ANGPTL1: variants seen among roughly 807,000 people sequenced by gnomAD.
ANGPTL1 encodes the protein angiopoietin-related protein 1.
ANGPTL1 carries 36 observed loss-of-function variants against 46.7 expected under a neutral mutation model. The ratio of observed to expected loss-of-function variants is 0.77; its 90% CI spans 0.59 to 1.02. The LOEUF (loss-of-function observed/expected upper bound fraction) is 1.02. Ranked by LOEUF, ANGPTL1 falls within the 50% of genes least tolerant of loss-of-function variation. The probability of loss-of-function intolerance (pLI) is 0.00; values close to 1 mark genes in which losing one functional copy is unlikely to be tolerated. For missense variants in ANGPTL1, 571 were observed against 594.7 expected (o/e 0.96, Z 0.41); for synonymous variants, 221 against 204.3 (o/e 1.08, Z -0.69).
Position 178,849,981 on chromosome 1 carries a change from T to G in ANGPTL1, c.*1148A>C, listed in dbSNP as rs534759906. On this transcript the variant is annotated 3_prime_UTR_variant, in exon 6 of 6. Transcript: ENST00000234816. ...TGAATATGTATTCCTGAAAGGAAAT[T>G]GTTCCAGAAAGTCACTAGTAAAGTT... The G allele has an allele frequency of 6.5e-6, 1 of 152,788 alleles. No homozygotes were observed. The highest frequency in any genetic ancestry group is 1.9e-4 in the East Asian group (1 of 5,192). 9.5% of individuals were successfully genotyped at this position (152,788 alleles called of 1,614,324 possible). A position where few individuals can be genotyped will look rare whatever the true frequency, so the allele number is the denominator to read the frequency against.
chr1:178,860,783 T>A (rs1166666002), intron 3 of ANGPTL1, among the ~76,000 whole-genome samples: 1 of 152,194 alleles, frequency 6.6e-6, no homozygotes, highest in African/African-American at 2.4e-5. Context: ...AGAATGACCA[T>A]GTACCTCCAT....
Position 178,852,808 on chromosome 1 carries a change from A to G in ANGPTL1, c.1163T>C (p.Leu388Pro). Residue 388 changes from leucine to proline, a missense_variant, in exon 5 of 6, where the codon CTG becomes CCG. Coordinates refer to ENST00000234816, the MANE Select transcript of ANGPTL1 (RefSeq NM_004673.4). ...KVYAEYSSFR[L>P]EPESEFYRLR... ...TCTATAGAATTCACTTTCAGGTTCC[A>G]GACGAAAGCTGCTGTATTCTGCATA... 1 of 1,613,930 alleles carries G rather than the reference A, an allele frequency of 6.2e-7. No homozygotes were observed. The highest frequency in any genetic ancestry group is 8.5e-7 in the Non-Finnish European group (1 of 1,179,882).
chr1:178,853,868 C>CT (rs1448869666), intron 3 of ANGPTL1, 81 bp from the exon 4 acceptor site: 2 of 1,112,710 alleles, frequency 1.8e-6, no homozygotes, highest in Non-Finnish European at 2.5e-6. Context: ...AGATTTTTAC[C>CT]TTTGTGTCTT....
chr1:178,862,626 T>TGG (rs1658112409), intron 3 of ANGPTL1, among the ~76,000 whole-genome samples: 2 of 149,700 alleles, frequency 1.3e-5, no homozygotes, highest in African/African-American at 5.0e-5. Context: ...TATTTATTTA[T>TGG]TTATTTGGTT....
intron 3 of ANGPTL1, among the ~76,000 whole-genome samples, chr1:178,859,232 GT>G (rs1222272991): frequency 6.6e-6 from 1 of 151,706 alleles, no homozygotes; most frequent in East Asian, 1.9e-4. Flanking sequence ...TAGTTTTTTT[GT>G]TTTGTATTAA....
intron 3 of ANGPTL1, among the ~76,000 whole-genome samples, chr1:178,863,855 C>T (rs1327921255): frequency 6.6e-6 from 1 of 152,184 alleles, no homozygotes; most frequent in East Asian, 1.9e-4. Flanking sequence ...TATTCACTGA[C>T]AGAGAGATGA....
chr1:178,858,028 T>C (rs12757284), intron 3 of ANGPTL1, among the ~76,000 whole-genome samples: 36,294 of 152,150 alleles, frequency 0.24, 5,054 homozygotes, highest in Non-Finnish European at 0.32. Flanking sequence ...TGTTTTGCAG[T>C]GGGCTTTGTG....
intron 4 of ANGPTL1, chr1:178,853,230 T>C (rs12117953): frequency 0.055 from 53,759 of 984,006 alleles, 1,440 homozygotes; most frequent in Middle Eastern, 0.066. Context: ...AATTTATCCA[T>C]AGCTACTAAA....
At chr1:178,856,343 T>C (rs2102307393) in intron 3 of ANGPTL1, among the ~76,000 whole-genome samples, 1 of 137,896 alleles carries the variant, frequency 7.3e-6, no homozygotes. Flanking sequence ...TCCTCCCACC[T>C]CAGCCTCCCA....
chr1:178,869,080 A>G (rs1470414887), intron 2 of ANGPTL1, 34 bp downstream of exon 2: 1 of 152,058 alleles, frequency 6.6e-6, no homozygotes, highest in African/African-American at 2.4e-5. Context: ...CTAGGCCCCA[A>G]GAGAATGTTA....
chr1:178,856,420 T>TTTTTTTTTTTTG (rs1558152822), intron 3 of ANGPTL1, among the ~76,000 whole-genome samples: 10 of 120,574 alleles, frequency 8.3e-5, no homozygotes, highest in African/African-American at 3.5e-4. Context: ...TTTTTTTTTT[T>TTTTTTTTTTTTG]TTTTTTGAGA....
chr1:178,856,722 TGTAGCTTATTTAATAAA>T (rs1657613149), intron 3 of ANGPTL1, among the ~76,000 whole-genome samples: 1 of 152,118 alleles, frequency 6.6e-6, no homozygotes, highest in Non-Finnish European at 1.5e-5. Flanking sequence ...AACACATAAT[TGTAGCTTATTTAATAAA>T]GTAGCTTATT....
chr1:178,868,123 T>G (rs755205089), intron 2 of ANGPTL1, among the ~76,000 whole-genome samples: 4 of 152,018 alleles, frequency 2.6e-5, no homozygotes, highest in Non-Finnish European at 5.9e-5. Flanking sequence ...TTTTAGCTTT[T>G]TATGTTTTCA....
intron 3 of ANGPTL1, among the ~76,000 whole-genome samples, chr1:178,857,949 C>T (rs1050525314): frequency 6.6e-6 from 1 of 152,100 alleles, no homozygotes; most frequent in Non-Finnish European, 1.5e-5. Context: ...TTTTCTGAAT[C>T]CAGCTTTGAT....
intron 3 of ANGPTL1, among the ~76,000 whole-genome samples, chr1:178,856,202 GATATATATATATAT>G (rs55797277): frequency 3.6e-5 from 3 of 83,912 alleles, no homozygotes; most frequent in African/African-American, 1.9e-4. Context: ...GAGAGAGAGA[GATATATATATATAT>G]ATATATATAT....
intron 4 of ANGPTL1, 86 bp downstream of exon 4, chr1:178,853,508 C>A: frequency 9.1e-7 from 1 of 1,099,376 alleles, no homozygotes; most frequent in Non-Finnish European, 1.2e-6. Flanking sequence ...AACTGTGTGT[C>A]TTATTTATTG....
intron 3 of ANGPTL1, among the ~76,000 whole-genome samples, chr1:178,856,394 ATTTTTT>A (rs71108081): frequency 0.02 from 715 of 36,326 alleles, 4 homozygotes; most frequent in East Asian, 0.086. Flanking sequence ...TGCCTGGCTA[ATTTTTT>A]TTTTTTTTTT....
Position 178,870,341 on chromosome 1 carries a change from G to A in ANGPTL1, c.-137+400C>T, listed in dbSNP as rs576516483. ...TTCAGCACACACACTGTGGCTGCAG[G>A]AAGAGAAACTAATTGTGTTCACGAC... is the stretch of plus-strand genomic sequence containing the variant. On this transcript the variant is annotated intron_variant, in intron 1 of 5. Transcript: ENST00000234816. 4.6e-5 allele frequency among the ~76,000 whole-genome samples: 7 copies of A among 152,250 alleles called. No individual in the cohort carries two copies. The East Asian group carries it at 9.7e-4, about 21-fold the overall frequency.
intron 5 of ANGPTL1, among the ~76,000 whole-genome samples, chr1:178,851,554 G>A (rs1165697928): frequency 6.6e-6 from 1 of 151,946 alleles, no homozygotes; most frequent in East Asian, 1.9e-4. Flanking sequence ...TTTTTAAAAA[G>A]GGGGATTTAA....
Sources: allele counts gnomAD v4.1 joint callset (sites outside exome capture counted in the v4.1 genomes callset), GRCh38; gene constraint gnomAD v4.1.1; transcripts MANE v1.5; gene names NCBI Gene and HGNC (gene_info 2026-07-23, HGNC 2026-07-21).